The following IQGAP3 variants were observed in gnomAD, a reference collection of about 807,000 sequenced individuals.
The protein encoded by IQGAP3 is IQ motif containing GTPase activating protein 3, also known as ras GTPase-activating-like protein IQGAP3.
Under a neutral mutation model 208.2 loss-of-function variants are expected in IQGAP3, and 165 were observed. The ratio of observed to expected loss-of-function variants is 0.79; its 90% CI spans 0.70 to 0.90. IQGAP3 has a LOEUF of 0.90. IQGAP3 is among the 40% of genes least tolerant of loss of function. The pLI is 0.00. For missense variants in IQGAP3, 1,811 were observed against 2,043.1 expected (o/e 0.89, Z 2.19); for synonymous variants, 703 against 803.6 (o/e 0.87, Z 2.12).
chr1:156,529,205 T>TC, intron 34 of IQGAP3, 123 bp from the exon 35 acceptor site: 1 of 1,077,250 alleles, frequency 9.3e-7, no homozygotes, highest in Non-Finnish European at 1.4e-6. Context: ...TCAAGGCTGT[T>TC]TTCCTAGAAG....
At position 156,537,171 on chromosome 1, in the gene IQGAP3, T is replaced by C. The variant is rs1674726490; in HGVS notation, c.3422+10A>G. On this transcript the variant is annotated intron_variant, in intron 27 of 37. Transcript: ENST00000361170. ...CCATGCGTAGGCTGGGGTGGGGCTGTTGCACATACGGAATTTGGTCCACAG... is the reference window on the plus strand; with the variant it reads ...CCATGCGTAGGCTGGGGTGGGGCTGCTGCACATACGGAATTTGGTCCACAG... 5.0e-6 allele frequency: 8 copies of C among 1,611,666 alleles called. No individual in the cohort carries two copies. Among genetic ancestry groups the C allele is most frequent in the Non-Finnish European group, 6.8e-6 (8 of 1,178,706 alleles).
At chr1:156,555,300 C>T (rs1415702415) in intron 12 of IQGAP3, among the ~76,000 whole-genome samples, 2 of 152,096 alleles carry the variant, frequency 1.3e-5, no homozygotes, top group African/African-American at 4.8e-5. Context: ...TGCAGTGGCA[C>T]AATCTTGGCT....
intron 30 of IQGAP3, 24 bp from the exon 31 acceptor site, chr1:156,533,899 A>G: frequency 6.2e-7 from 1 of 1,604,796 alleles, no homozygotes; most frequent in Admixed American, 1.7e-5. Context: ...AAAGAAAAGG[A>G]GATGCAGGGT....
chr1:156,569,580 C>T (rs921446070), intron 1 of IQGAP3, 117 bp from the exon 2 acceptor site: 6 of 440,508 alleles, frequency 1.4e-5, no homozygotes, highest in Admixed American at 4.3e-5. Context: ...GTGCAGTGGC[C>T]CAATCTTGGC....
At chr1:156,530,083 G>A (rs751653682) in intron 34 of IQGAP3, 22 bp downstream of exon 34, 32 of 1,563,568 alleles carry the variant, frequency 2.0e-5, no homozygotes, top group Non-Finnish European at 2.8e-5. Flanking sequence ...CAGGCACACG[G>A]AGCCCAGGCC....
At chr1:156,567,311 G>C (rs1483593121) in intron 2 of IQGAP3, among the ~76,000 whole-genome samples, 2 of 152,186 alleles carry the variant, frequency 1.3e-5, no homozygotes, top group African/African-American at 4.8e-5. Flanking sequence ...GATGATGAGA[G>C]TAGTGGGGCT....
chr1:156,567,322 G>A (rs1239849438), intron 2 of IQGAP3, among the ~76,000 whole-genome samples: 1 of 152,182 alleles, frequency 6.6e-6, no homozygotes, highest in Non-Finnish European at 1.5e-5. Context: ...TAGTGGGGCT[G>A]GTGGAAGGGG....
chr1:156,544,566 A>C, intron 19 of IQGAP3, 94 bp from the exon 20 acceptor site: 1 of 1,033,118 alleles, frequency 9.7e-7, no homozygotes, highest in South Asian at 1.3e-5. Flanking sequence ...CCTCCAGGGA[A>C]TGGAAGGGGG....
At chr1:156,527,888 T>C in intron 37 of IQGAP3, 64 bp downstream of exon 37, 1 of 1,107,108 alleles carries the variant, frequency 9.0e-7, no homozygotes, top group Non-Finnish European at 1.4e-6. Context: ...GGCCAGCTGC[T>C]CTCTTCAGGC....
At chr1:156,542,377 A>T (rs1380223949) in intron 22 of IQGAP3, among the ~76,000 whole-genome samples, 1 of 151,796 alleles carries the variant, frequency 6.6e-6, no homozygotes, top group Non-Finnish European at 1.5e-5. Context: ...TTTAGTAGAG[A>T]CAGGGTTTCA....
At chr1:156,557,562 TG>T (rs1351476653) in intron 11 of IQGAP3, among the ~76,000 whole-genome samples, 1 of 58,306 alleles carries the variant, frequency 1.7e-5, no homozygotes, top group Non-Finnish European at 3.6e-5. Flanking sequence ...GGGAGGGAGG[TG>T]GGGGGGTCAG....
intron 22 of IQGAP3, among the ~76,000 whole-genome samples, chr1:156,543,764 G>T (rs1171576): frequency 0.29 from 43,705 of 148,780 alleles, 7,345 homozygotes; most frequent in East Asian, 0.56. Flanking sequence ...GTTCCAAAAA[G>T]AGCCTGGTTA....
In IQGAP3 at chr1:156,535,222, CTT is replaced by C. The variant is rs2102368963; in HGVS notation, c.3446_3447del (p.Lys1149SerfsTer12). Reference protein sequence around the residue: ...QIPYGMRYVAKVLKATLAEKF... With the variant: ...QIPYGMRYVAXVLKATLAEKF... ...TTCTCTGCCAGAGTTGCCTTCAGGA[CTT>C]TGGCCACATATCGCATCCCATACCT... On this transcript the variant is annotated frameshift_variant, in exon 28 of 38. Transcript: ENST00000361170. LOFTEE classifies it high-confidence loss of function. 1 of 1,613,332 alleles carries C rather than the reference CTT, an allele frequency of 6.2e-7. No individual in the cohort carries two copies. Among genetic ancestry groups the C allele is most frequent in the Non-Finnish European group, 8.5e-7 (1 of 1,179,592 alleles).
At chr1:156,562,050 A>T (rs1269091914) in intron 9 of IQGAP3, 49 bp from the exon 10 acceptor site, 6 of 1,499,592 alleles carry the variant, frequency 4.0e-6, no homozygotes, top group Non-Finnish European at 5.4e-6. Flanking sequence ...GCCACCTCTC[A>T]TAATCCCCTA....
At chr1:156,559,821 C>G (rs747841325) in intron 11 of IQGAP3, among the ~76,000 whole-genome samples, 11 of 152,128 alleles carry the variant, frequency 7.2e-5, no homozygotes, top group Admixed American at 2.0e-4. Context: ...TCTGCCAGGA[C>G]AAGGAGATAG....
Position 156,537,289 on chromosome 1 carries a change from G to T in IQGAP3, c.3314C>A (p.Ala1105Asp), listed in dbSNP as rs374998272. ...TCTCTGGACCTCGGGGTGGCTCAAG[G>T]CCTGCTCCGGGGTGACATCATATGG... is the stretch of plus-strand genomic sequence containing the variant. ...HLPYDVTPEQ[A>D]LSHPEVQRRL... The change falls in exon 27 of 38, where the codon GCC (alanine) becomes GAC (aspartate). Residue 1105 changes from alanine to aspartate, a missense_variant. Physicochemically the swap from Ala to Asp is moderately radical, Grantham distance 126. Coordinates refer to ENST00000361170, the MANE Select transcript of IQGAP3 (RefSeq NM_178229.5). The T allele has an allele frequency of 5.6e-6, 9 of 1,613,862 alleles. No individual in the cohort carries two copies.
At position 156,572,483 on chromosome 1, in the gene IQGAP3, C is replaced by A. The variant is rs983292840; in HGVS notation, c.37+10G>T. ...CTGCGAGACCCTTCTCTGACCCTCT[C>A]CGCACTCACAGGCTGCCCAGCCTGG... is the stretch of plus-strand genomic sequence containing the variant. On this transcript the variant is annotated intron_variant, in intron 1 of 37. Transcript: ENST00000361170. 1 of 1,610,132 alleles carries A rather than the reference C, an allele frequency of 6.2e-7. No homozygotes were observed. The highest frequency in any genetic ancestry group is 1.3e-5 in the African/African-American group (1 of 75,054).
At chr1:156,528,850 A>T in intron 35 of IQGAP3, 66 bp downstream of exon 35, 1 of 1,570,504 alleles carries the variant, frequency 6.4e-7, no homozygotes, top group African/African-American at 1.3e-5. Context: ...ATAGCAGGGC[A>T]AAGGTGACAT....
chr1:156,569,322 TG>T (rs1487035316), intron 2 of IQGAP3, 53 bp downstream of exon 2: 3 of 1,154,540 alleles, frequency 2.6e-6, no homozygotes, highest in African/African-American at 1.5e-5. Context: ...ATGCCTAGGG[TG>T]GGGTGGTAGA....
Sources: gnomAD v4.1 joint callset for allele counts (sites outside exome capture counted in the v4.1 genomes callset) on GRCh38, gnomAD v4.1.1 for gene constraint, MANE v1.5 for transcripts, NCBI Gene and HGNC (gene_info 2026-07-23, HGNC 2026-07-21) for gene names.